The following KSR2 variants were observed in gnomAD, a reference collection of about 807,000 sequenced individuals.
KSR2 encodes kinase suppressor of ras 2.
KSR2 carries 25 observed loss-of-function variants against 107.8 expected under a neutral mutation model. The ratio of observed to expected loss-of-function variants is 0.23; its 90% CI spans 0.17 to 0.32. The LOEUF is 0.32. Ranked by LOEUF, KSR2 falls within the 10% of genes least tolerant of loss-of-function variation. KSR2 has a pLI of 1.00. For missense variants in KSR2, 887 were observed against 1,268.9 expected, an observed-to-expected ratio of 0.70 and a Z score of 4.57; for synonymous variants, 480 against 507.0, an observed-to-expected ratio of 0.95 and a Z score of 0.71.
At chr12:117,927,354 C>T (rs149602749) in intron 1 of KSR2, among the ~76,000 whole-genome samples, 117 of 150,168 alleles carry the variant, frequency 7.8e-4, no homozygotes, top group African/African-American at 2.0e-3. Context: ...CCAGCCTGGG[C>T]GACAGAGCAA....
chr12:117,956,359 G>A (rs748401134), intron 1 of KSR2, among the ~76,000 whole-genome samples: 4 of 151,792 alleles, frequency 2.6e-5, no homozygotes, highest in Non-Finnish European at 5.9e-5. Flanking sequence ...CTTGAGCCCA[G>A]GAGTTGGAGA....
intron 5 of KSR2, among the ~76,000 whole-genome samples, chr12:117,605,085 C>T (rs1217647916): frequency 6.6e-6 from 1 of 152,136 alleles, no homozygotes; most frequent in Non-Finnish European, 1.5e-5. Context: ...ATGTTTGTGG[C>T]TTTTTCTAAA....
At chr12:117,816,588 C>T (rs1471872134) in intron 3 of KSR2, among the ~76,000 whole-genome samples, 3 of 152,046 alleles carry the variant, frequency 2.0e-5, no homozygotes, top group East Asian at 3.8e-4. Flanking sequence ...GGGCACAGAC[C>T]CTGGACCCTA....
chr12:117,632,417 G>A (rs1296450112), intron 5 of KSR2, among the ~76,000 whole-genome samples: 2 of 151,580 alleles, frequency 1.3e-5, no homozygotes, highest in African/African-American at 4.9e-5. Flanking sequence ...TAGTAGAGAC[G>A]GGGTTTCACT....
chr12:117,843,929 C>CT (rs58326707), intron 3 of KSR2, among the ~76,000 whole-genome samples: 37,151 of 127,514 alleles, frequency 0.29, 5,749 homozygotes, highest in East Asian at 0.47. Flanking sequence ...TTAAGCTTCC[C>CT]TTTTTTTTTT....
chr12:117,838,817 A>C (rs1269463258), intron 3 of KSR2, among the ~76,000 whole-genome samples: 1 of 152,150 alleles, frequency 6.6e-6, no homozygotes, highest in East Asian at 1.9e-4. Flanking sequence ...ATTGACACTC[A>C]CTATTTCTAG....
intron 12 of KSR2, 139 bp downstream of exon 12, chr12:117,530,802 G>A: frequency 1.4e-6 from 1 of 705,712 alleles, no homozygotes. Context: ...ATGTCTCTCT[G>A]ACCCCCTTGT....
intron 9 of KSR2, among the ~76,000 whole-genome samples, chr12:117,540,438 G>T (rs529779622): frequency 2.6e-5 from 4 of 152,156 alleles, no homozygotes; most frequent in African/African-American, 9.7e-5. Flanking sequence ...GGACTTCCAA[G>T]CACAGTAGTG....
At position 117,753,947 on chromosome 12, in the gene KSR2, CGTGTGTGTGTGTGTGTGTGT is replaced by C. The variant is rs34174404; in HGVS notation, c.986+7044_986+7063del. On this transcript the variant is annotated intron_variant, in intron 4 of 19. Transcript: ENST00000339824. Reference sequence around the variant, plus strand: ...TACTTTTACTGGGGAAAGTATAGAGCGTGTGTGTGTGTGTGTGTGTGTGTGTGTGTGTGTGTGTGTGTGTG... The same window carrying C: ...TACTTTTACTGGGGAAAGTATAGAGCGTGTGTGTGTGTGTGTGTGTGTGTG... 1.0e-3 allele frequency among the ~76,000 whole-genome samples: 134 copies of C among 129,034 alleles called. No homozygotes were observed. The Middle Eastern group carries it at 0.011, about 11-fold the overall frequency. The allele number at this position is 129,034 out of a possible 152,430, so 84.7% of individuals were successfully genotyped here. A position where few individuals can be genotyped will look rare whatever the true frequency, so the allele number is the denominator to read the frequency against.
intron 1 of KSR2, among the ~76,000 whole-genome samples, chr12:117,964,345 C>T (rs1027647617): frequency 6.6e-6 from 1 of 152,200 alleles, no homozygotes; most frequent in Admixed American, 6.5e-5. Flanking sequence ...GTAAAGATGC[C>T]TGTTTCCCTT....
At chr12:117,807,636 C>T (rs797005219) in intron 3 of KSR2, among the ~76,000 whole-genome samples, 2 of 152,104 alleles carry the variant, frequency 1.3e-5, no homozygotes, top group Non-Finnish European at 2.9e-5. Flanking sequence ...ACTCACTGAC[C>T]TATAAATGCA....
chr12:117,872,804 A>G (rs569445090), intron 1 of KSR2, among the ~76,000 whole-genome samples: 1 of 152,290 alleles, frequency 6.6e-6, no homozygotes, highest in Admixed American at 6.5e-5. Context: ...CCATTCTAGA[A>G]GCCAGGGTTC....
At chr12:117,765,138 A>C (rs1294110106) in intron 3 of KSR2, among the ~76,000 whole-genome samples, 2 of 152,382 alleles carry the variant, frequency 1.3e-5, no homozygotes, top group African/African-American at 4.8e-5. Flanking sequence ...ACAGAGAATC[A>C]AGTTAAGACA....
At chr12:117,698,324 AT>A (rs57867291) in intron 4 of KSR2, among the ~76,000 whole-genome samples, 11,326 of 145,752 alleles carry the variant, frequency 0.078, 1,084 homozygotes, top group African/African-American at 0.23. Flanking sequence ...TGTCTCTCAG[AT>A]TTTTTTTTTT....
At chr12:117,552,874 T>G (rs1030310610) in intron 9 of KSR2, among the ~76,000 whole-genome samples, 4 of 152,216 alleles carry the variant, frequency 2.6e-5, no homozygotes, top group African/African-American at 9.6e-5. Context: ...TCAATCCCTG[T>G]TTTAGATGAC....
At chr12:117,610,639 T>G (rs958821575) in intron 5 of KSR2, among the ~76,000 whole-genome samples, 3 of 149,672 alleles carry the variant, frequency 2.0e-5, no homozygotes, top group African/African-American at 7.4e-5. Context: ...CTTGGAAGGC[T>G]GAGGTGGGAG....
At chr12:117,793,881 ACAACATGCACACAC>A (rs1276064230) in intron 3 of KSR2, among the ~76,000 whole-genome samples, 2 of 136,618 alleles carry the variant, frequency 1.5e-5, no homozygotes, top group Non-Finnish European at 3.2e-5. Context: ...ATGCACACAT[ACAACATGCACACAC>A]CAACATGCAC....
chr12:117,863,116 G>T (rs1476530502), intron 1 of KSR2, among the ~76,000 whole-genome samples: 2 of 152,106 alleles, frequency 1.3e-5, no homozygotes, highest in Non-Finnish European at 2.9e-5. Context: ...CGGCTGATGT[G>T]AGGCTGTTCC....
intron 9 of KSR2, among the ~76,000 whole-genome samples, chr12:117,545,920 CT>C (rs1281517717): frequency 6.6e-6 from 1 of 152,102 alleles, no homozygotes; most frequent in African/African-American, 2.4e-5. Flanking sequence ...TACCCTCCTC[CT>C]TTAATAATTG....
Sources: gnomAD v4.1 joint callset for allele counts (sites outside exome capture counted in the v4.1 genomes callset) on GRCh38, gnomAD v4.1.1 for gene constraint, MANE v1.5 for transcripts, NCBI Gene and HGNC (gene_info 2026-07-23, HGNC 2026-07-21) for gene names.